Variants in EVA1C observed in about 807,000 individuals in gnomAD.
The protein encoded by EVA1C is protein eva-1 homolog C.
Under a neutral mutation model 45.4 loss-of-function variants are expected in EVA1C, and 25 were observed. The ratio of observed to expected loss-of-function variants is 0.55; its 90% confidence interval spans 0.40 to 0.77. EVA1C has a LOEUF of 0.77. EVA1C is among the 30% of genes least tolerant of loss of function. The pLI is 0.00. For missense variants in EVA1C, 479 were observed against 554.8 expected (o/e 0.86, Z 1.37); for synonymous variants, 190 against 221.2 (o/e 0.86, Z 1.25).
chr21:32,417,270 T>A (rs1156834115), intron 1 of EVA1C, among the ~76,000 whole-genome samples: 2 of 152,256 alleles, frequency 1.3e-5, no homozygotes, highest in Non-Finnish European at 2.9e-5. Context: ...ACATTTATTT[T>A]ATCACAGTTC....
At chr21:32,432,516 A>T (rs143915115) in intron 1 of EVA1C, among the ~76,000 whole-genome samples, 207 of 152,232 alleles carry the variant, frequency 1.4e-3, no homozygotes, top group African/African-American at 4.8e-3. Flanking sequence ...GAAGGAGAGC[A>T]TTCTGTCTAG....
chr21:32,445,701 T>C (rs2035338428), intron 1 of EVA1C, among the ~76,000 whole-genome samples: 1 of 152,206 alleles, frequency 6.6e-6, no homozygotes. Flanking sequence ...CCTGCCACTC[T>C]TAGGGGTTCA....
At chr21:32,504,548 G>A (rs550650941) in intron 7 of EVA1C, among the ~76,000 whole-genome samples, 1 of 152,208 alleles carries the variant, frequency 6.6e-6, no homozygotes, top group South Asian at 2.1e-4. Context: ...TACCAAGGCC[G>A]GCCACACCGC....
chr21:32,489,309 G>A (rs921340804), intron 4 of EVA1C, among the ~76,000 whole-genome samples: 7 of 152,126 alleles, frequency 4.6e-5, no homozygotes, highest in African/African-American at 1.7e-4. Context: ...TTTTCATGTG[G>A]ATATTTAATT....
At chr21:32,437,894 A>G (rs1048573683) in intron 1 of EVA1C, among the ~76,000 whole-genome samples, 2 of 152,152 alleles carry the variant, frequency 1.3e-5, no homozygotes, top group African/African-American at 4.8e-5. Context: ...TTGCTCTCTA[A>G]TGGCATCTGT....
chr21:32,453,540 A>G (rs754481196), intron 2 of EVA1C, 32 bp downstream of exon 2: 2 of 1,419,906 alleles, frequency 1.4e-6, no homozygotes, highest in South Asian at 2.4e-5. Context: ...TTAAGATGAT[A>G]CAGTTTCAAC....
chr21:32,442,679 A>G (rs2035220554), intron 1 of EVA1C, among the ~76,000 whole-genome samples: 1 of 151,206 alleles, frequency 6.6e-6, no homozygotes, highest in Non-Finnish European at 1.5e-5. Flanking sequence ...AAAAAAAAAA[A>G]AGCGGGTGGG....
In EVA1C at chr21:32,514,882, G is replaced by C; in HGVS notation, c.1018G>C (p.Ala340Pro). 1 of 1,613,378 alleles carries C rather than the reference G, an allele frequency of 6.2e-7. No individual in the cohort carries two copies. Among genetic ancestry groups the C allele is most frequent in the Non-Finnish European group, 8.5e-7 (1 of 1,179,832 alleles). The change falls in exon 8 of 8, where the codon GCC (alanine) becomes CCC (proline). Residue 340 changes from alanine (A) to proline (P), a missense_variant. Around this residue, in one of 3 missense-constraint regions of EVA1C, gnomAD observed 366 missense variants for 426.1 expected, o/e 0.86. Transcript: ENST00000300255. ...VCIGLALTLC[A>P]LVIRESCAKD... is the part of the protein sequence containing the mutation. The stretch of plus-strand genomic sequence containing the variant: ...CATCGGCCTGGCCCTCACACTGTGC[G>C]CCCTGGTCATCAGAGAGTCCTGTGC...
At chr21:32,446,484 A>T (rs1248361470) in intron 1 of EVA1C, among the ~76,000 whole-genome samples, 2 of 152,242 alleles carry the variant, frequency 1.3e-5, no homozygotes, top group Admixed American at 6.5e-5. Context: ...GGAGGGAATC[A>T]TTAACAAACA....
intron 7 of EVA1C, among the ~76,000 whole-genome samples, chr21:32,507,474 ATG>A (rs1310883780): frequency 6.9e-6 from 1 of 145,000 alleles, no homozygotes; most frequent in East Asian, 2.1e-4. Flanking sequence ...GCATGTGTGC[ATG>A]TGTGTATGCG....
intron 4 of EVA1C, among the ~76,000 whole-genome samples, chr21:32,472,574 T>G (rs1333571668): frequency 2.0e-5 from 3 of 151,960 alleles, no homozygotes; most frequent in Admixed American, 2.0e-4. Context: ...AGTTTGAGGT[T>G]GCAGTGAGCT....
chr21:32,426,642 C>T (rs2034498053), intron 1 of EVA1C, among the ~76,000 whole-genome samples: 2 of 152,040 alleles, frequency 1.3e-5, no homozygotes, highest in South Asian at 4.1e-4. Context: ...TTTGTGTGGT[C>T]ATGGGGCTAA....
At chr21:32,417,344 T>A (rs1293559241) in intron 1 of EVA1C, among the ~76,000 whole-genome samples, 5 of 152,242 alleles carry the variant, frequency 3.3e-5, no homozygotes, top group African/African-American at 1.2e-4. Flanking sequence ...CCTGTCTCCT[T>A]GGCTTGTAAA....
rs764216291 is a variant in EVA1C, at chr21:32,457,499, G to A, written c.358-98G>A. 3.1e-4 allele frequency: 458 copies of A among 1,458,472 alleles called. 1 individual carries two copies. The highest frequency in any genetic ancestry group is 3.8e-4 in the Non-Finnish European group (396 of 1,045,718). 90.3% of individuals were successfully genotyped at this position (1,458,472 alleles called of 1,614,324 possible). On this transcript the variant is annotated intron_variant, in intron 2 of 7. Coordinates refer to ENST00000300255, the MANE Select transcript of EVA1C (RefSeq NM_058187.5). Reference sequence around the variant, plus strand: ...ACACAGCTTGGCCAGGTGGGGAGGCGTCCTTCCCTTTGCAGAGCCCAGAGC... The same window carrying A: ...ACACAGCTTGGCCAGGTGGGGAGGCATCCTTCCCTTTGCAGAGCCCAGAGC...
At chr21:32,448,500 C>T (rs2035446135) in intron 1 of EVA1C, among the ~76,000 whole-genome samples, 1 of 152,190 alleles carries the variant, frequency 6.6e-6, no homozygotes, top group South Asian at 2.1e-4. Context: ...TCTCCCCTCC[C>T]TAACGCTAGC....
At chr21:32,503,891 T>G in intron 6 of EVA1C, 35 bp from the exon 7 acceptor site, 1 of 1,474,352 alleles carries the variant, frequency 6.8e-7, no homozygotes, top group Non-Finnish European at 9.4e-7. Flanking sequence ...TATGAACAGC[T>G]GTGATTAATT....
intron 1 of EVA1C, among the ~76,000 whole-genome samples, chr21:32,421,167 G>GAGTGGTTAAATATTAAGAATATCC (rs145422635): frequency 1.3e-5 from 2 of 152,026 alleles, no homozygotes; most frequent in African/African-American, 4.8e-5. Context: ...AATGAGTGGT[G>GAGTGGTTAAATATTAAGAATATCC]AGGAAACAAA....
At chr21:32,492,671 A>T (rs1211083454) in intron 4 of EVA1C, among the ~76,000 whole-genome samples, 3 of 151,036 alleles carry the variant, frequency 2.0e-5, no homozygotes, top group African/African-American at 7.3e-5. Flanking sequence ...TTTTCTTCAA[A>T]ATCTCGGCCC....
chr21:32,492,631 A>AC (rs1256964102), intron 4 of EVA1C, among the ~76,000 whole-genome samples: 3 of 148,466 alleles, frequency 2.0e-5, no homozygotes, highest in Admixed American at 6.8e-5. Flanking sequence ...CTGGGCATGA[A>AC]CCCCCCACAG....
Sources: allele counts gnomAD v4.1 joint callset (sites outside exome capture counted in the v4.1 genomes callset), GRCh38; gene constraint gnomAD v4.1.1; regional missense constraint gnomAD v4.1.1; transcripts MANE v1.5; gene names NCBI Gene and HGNC (gene_info 2026-07-23, HGNC 2026-07-21).